Variants in NBEAL1 observed in about 807,000 individuals in gnomAD.
The protein encoded by NBEAL1 is neurobeachin-like protein 1.
In NBEAL1, 273 loss-of-function variants were observed where a neutral mutation model predicts 351.3. The ratio of observed to expected loss-of-function variants is 0.78; its 90% CI spans 0.70 to 0.86. The LOEUF is 0.86. Ranked by LOEUF, NBEAL1 falls within the 40% of genes least tolerant of loss-of-function variation. NBEAL1 has a pLI of 0.00. For synonymous variants in NBEAL1, 1,050 were observed against 1,086.4 expected (o/e 0.97, Z 0.66); for missense variants, 2,961 against 3,201.3 (o/e 0.92, Z 1.81).
chr2:203,045,536 A>G (rs986414326), intron 3 of NBEAL1, among the ~76,000 whole-genome samples: 3 of 152,196 alleles, frequency 2.0e-5, no homozygotes, highest in Non-Finnish European at 2.9e-5. Flanking sequence ...GGGTTATAGA[A>G]TTTGGCATTC....
intron 12 of NBEAL1, among the ~76,000 whole-genome samples, chr2:203,103,646 A>G (rs577359600): frequency 6.6e-6 from 1 of 151,990 alleles, no homozygotes; most frequent in East Asian, 1.9e-4. Context: ...GCCTTTTGCT[A>G]GCTTTGGGAT....
At chr2:203,203,116 G>C (rs1159777622) in intron 51 of NBEAL1, among the ~76,000 whole-genome samples, 1 of 151,880 alleles carries the variant, frequency 6.6e-6, no homozygotes, top group Non-Finnish European at 1.5e-5. Flanking sequence ...TCATCAACCT[G>C]ATTGCATTCT....
Position 203,202,705 on chromosome 2 carries a change from C to T in NBEAL1, c.7430C>T (p.Ala2477Val), listed in dbSNP as rs1401952437. The T allele has an allele frequency of 3.1e-6, 5 of 1,593,070 alleles. No homozygotes were observed. Among genetic ancestry groups the T allele is most frequent in the African/African-American group, 1.3e-5 (1 of 74,520 alleles). ...IRHMDIVTCLATDYCGIHLIS... is the reference protein window; with the variant it reads ...IRHMDIVTCLVTDYCGIHLIS... ...CTTACAGATATTGTGACTTGCTTAGCTACAGATTACTGTGGAATACATTTG... is the reference window on the plus strand; with the variant it reads ...CTTACAGATATTGTGACTTGCTTAGTTACAGATTACTGTGGAATACATTTG... The change falls in exon 51 of 56, where the codon GCT becomes GTT. Residue 2477 changes from alanine (A) to valine (V), a missense_variant. Transcript: ENST00000683969.
intron 5 of NBEAL1, 70 bp from the exon 6 acceptor site, chr2:203,057,256 G>C: frequency 7.2e-7 from 1 of 1,382,984 alleles, no homozygotes; most frequent in Non-Finnish European, 9.9e-7. Flanking sequence ...TGGCTTGTTT[G>C]AATACAAATG....
In NBEAL1 at chr2:203,220,918, G is replaced by A. The variant is rs973420435; in HGVS notation, c.*3564G>A. ...AGGTCACAGTGCAGTGCATCCTTTT[G>A]TAGAAGAAAAAATACCAAGTGTTCA... On this transcript the variant is annotated 3_prime_UTR_variant, in exon 56 of 56. Coordinates refer to ENST00000683969, the MANE Select transcript of NBEAL1 (RefSeq NM_001378026.1). Among the ~76,000 whole-genome samples the A allele has an allele frequency of 6.6e-6, 1 of 152,104 alleles. No individual in the cohort carries two copies. The highest frequency in any genetic ancestry group is 2.4e-5 in the African/African-American group (1 of 41,424).
intron 35 of NBEAL1, among the ~76,000 whole-genome samples, chr2:203,153,871 C>T (rs1178439756): frequency 2.6e-5 from 4 of 152,146 alleles, no homozygotes; most frequent in Non-Finnish European, 5.9e-5. Flanking sequence ...TCTCACCCCT[C>T]GACACATGCA....
At position 203,202,748 on chromosome 2, in the gene NBEAL1, T is replaced by C. The variant is rs1210031077; in HGVS notation, c.7473T>C (p.Asp2491=). 2.5e-6 allele frequency: 4 copies of C among 1,600,058 alleles called. No homozygotes were observed. In the South Asian group the frequency reaches 4.4e-5, roughly 18 times the overall value. The part of the protein sequence containing the change: ...CGIHLISGSR[D]TTCMIWQITQ... Reference sequence around the variant, plus strand: ...TACATTTGATTTCTGGTTCCAGAGATACTACATGTATGATATGGCAAATAA... The same window carrying C: ...TACATTTGATTTCTGGTTCCAGAGACACTACATGTATGATATGGCAAATAA... The change falls in exon 51 of 56, where the codon GAT becomes GAC. Residue 2491 remains aspartate (D), a synonymous_variant. Transcript: ENST00000683969.
At chr2:203,154,340 A>G (rs1031021050) in intron 35 of NBEAL1, among the ~76,000 whole-genome samples, 1 of 152,156 alleles carries the variant, frequency 6.6e-6, no homozygotes, top group African/African-American at 2.4e-5. Flanking sequence ...AAAAAAAGGC[A>G]TCAGTCTTTA....
intron 10 of NBEAL1, among the ~76,000 whole-genome samples, chr2:203,092,399 CAAA>C (rs1231545045): frequency 8.9e-6 from 1 of 112,424 alleles, no homozygotes; most frequent in African/African-American, 3.4e-5. Context: ...ACTAAAAATA[CAAA>C]AAAAAAAAAA....
At position 203,144,798 on chromosome 2, in the gene NBEAL1, A is replaced by G. The variant is rs769650734; in HGVS notation, c.5047A>G (p.Asn1683Asp). 21 of 1,613,978 alleles carry G rather than the reference A, an allele frequency of 1.3e-5. No individual in the cohort carries two copies. Among genetic ancestry groups the G allele is most frequent in the South Asian group, 1.1e-4 (10 of 91,088 alleles). ...CAAAATTTATGAGCTTCTCTTCATG[A>G]ACTTGCACCTACCTTCTTTACCTTT... is the stretch of plus-strand genomic sequence containing the variant. ...VSKIYELLFM[N>D]LHLPSLPFTN... Residue 1683 changes from asparagine to aspartate, a missense_variant, in exon 32 of 56, where the codon AAC (asparagine) becomes GAC (aspartate). Physicochemically the swap from Asn to Asp is conservative, Grantham distance 23 (BLOSUM62 1). Transcript: ENST00000683969.
In NBEAL1 at chr2:203,135,622, G is replaced by T. The variant is rs573292974; in HGVS notation, c.3814-55G>T. On this transcript the variant is annotated intron_variant, in intron 27 of 55. Coordinates refer to ENST00000683969, the MANE Select transcript of NBEAL1 (RefSeq NM_001378026.1). ...TAAAATAACTGAAAATATTATTTTT[G>T]ATATAAAGTACTATGTACTTTTTGA... is the stretch of plus-strand genomic sequence containing the variant. 36 of 1,010,196 alleles carry T rather than the reference G, an allele frequency of 3.6e-5. No homozygotes were observed. The African/African-American group carries it at 5.1e-4, about 14-fold the overall frequency. The allele number at this position is 1,010,196 out of a possible 1,614,324, so 62.6% of individuals were successfully genotyped here. A position where few individuals can be genotyped will look rare whatever the true frequency, so the allele number is the denominator to read the frequency against.
intron 2 of NBEAL1, chr2:203,040,421 G>T: frequency 1.4e-6 from 1 of 719,802 alleles, no homozygotes; most frequent in South Asian, 1.4e-5. Context: ...CCGGTGGAGA[G>T]AACCGTTGTA....
At chr2:203,119,812 C>G (rs368170954) in intron 18 of NBEAL1, among the ~76,000 whole-genome samples, 1 of 152,092 alleles carries the variant, frequency 6.6e-6, no homozygotes, top group Non-Finnish European at 1.5e-5. Context: ...TTTGTTTTGT[C>G]CTACTGTTTC....
chr2:203,182,963 CTG>C (rs1447044602), intron 43 of NBEAL1: 4 of 171,632 alleles, frequency 2.3e-5, no homozygotes, highest in Non-Finnish European at 5.0e-5. Flanking sequence ...ATTAGAGGGA[CTG>C]TGTCCCTCTC....
chr2:203,040,229 A>C, intron 2 of NBEAL1: 1 of 1,123,830 alleles, frequency 8.9e-7, no homozygotes, highest in Non-Finnish European at 1.3e-6. Context: ...AAGAAGGAGC[A>C]GAGGAAAGGA....
At chr2:203,085,964 T>C (rs2061955311) in intron 10 of NBEAL1, 1 of 152,220 alleles carries the variant, frequency 6.6e-6, no homozygotes, top group South Asian at 2.1e-4. Flanking sequence ...CAAAATCATA[T>C]TATAACATTA....
At chr2:203,090,019 CT>C (rs2062034669) in intron 10 of NBEAL1, among the ~76,000 whole-genome samples, 1 of 152,044 alleles carries the variant, frequency 6.6e-6, no homozygotes, top group African/African-American at 2.4e-5. Flanking sequence ...ATGAACATAT[CT>C]TGCGTCTGCT....
chr2:203,117,306 A>C (rs1471820702), intron 18 of NBEAL1, among the ~76,000 whole-genome samples: 2 of 152,108 alleles, frequency 1.3e-5, no homozygotes, highest in Middle Eastern at 6.3e-3. Context: ...CTATAAAAAT[A>C]CAAAAAATTA....
chr2:203,081,828 A>G (rs2061879188), intron 8 of NBEAL1, among the ~76,000 whole-genome samples: 2 of 152,244 alleles, frequency 1.3e-5, no homozygotes, highest in Non-Finnish European at 2.9e-5. Flanking sequence ...GAGGCCGGGC[A>G]TGGTGGCTTA....
Sources: gnomAD v4.1 joint callset for allele counts (sites outside exome capture counted in the v4.1 genomes callset) on GRCh38, gnomAD v4.1.1 for gene constraint, MANE v1.5 for transcripts, NCBI Gene and HGNC (gene_info 2026-07-23, HGNC 2026-07-21) for gene names.